RACGAP1: variants seen among roughly 807,000 people sequenced by gnomAD.
The protein encoded by RACGAP1 is Rac GTPase activating protein 1, also known as rac GTPase-activating protein 1.
RACGAP1 carries 30 observed loss-of-function variants against 78.1 expected under a neutral mutation model. The ratio of observed to expected loss-of-function variants is 0.38; its 90% confidence interval spans 0.29 to 0.52. The LOEUF is 0.52. RACGAP1 is among the 20% of genes least tolerant of loss of function. RACGAP1 has a pLI of 0.82. For missense variants in RACGAP1, 587 were observed against 777.1 expected, an observed-to-expected ratio of 0.76 and a Z score of 2.91; for synonymous variants, 231 against 264.8, an observed-to-expected ratio of 0.87 and a Z score of 1.24.
upstream of RACGAP1, among the ~76,000 whole-genome samples, chr12:50,028,633 G>T (rs1328994337): frequency 6.6e-6 from 1 of 151,102 alleles, no homozygotes; most frequent in South Asian, 2.1e-4. Context: ...TTAGCCAAGT[G>T]TGCTGGTGGA....
chr12:50,016,244 G>A (rs113422032), intron 2 of RACGAP1, among the ~76,000 whole-genome samples: 6,386 of 152,122 alleles, frequency 0.042, 419 homozygotes, highest in African/African-American at 0.14. Context: ...TTAGCCGGGC[G>A]TGGTGGCGTG....
rs1363129832 is a variant in RACGAP1, at chr12:50,025,462, G to T, written c.-69C>A. On this transcript the variant is annotated 5_prime_UTR_variant, in exon 1 of 17. Transcript: ENST00000312377. ...GCTCCGCGCCTCACCCAACGGCAGA[G>T]CAGCGCCGCGCCCACAGCTCCGGTT... is the stretch of plus-strand genomic sequence containing the variant. 1 of 985,670 alleles carries T rather than the reference G, an allele frequency of 1.0e-6. No homozygotes were observed. Among genetic ancestry groups the T allele is most frequent in the East Asian group, 1.1e-4 (1 of 8,826 alleles). The allele number at this position is 985,670 out of a possible 1,614,324, so 61.1% of individuals were successfully genotyped here.
intron 1 of RACGAP1, chr12:50,031,977 T>C (rs1950340063): frequency 6.5e-6 from 1 of 153,758 alleles, no homozygotes; most frequent in Non-Finnish European, 1.4e-5. Flanking sequence ...TGAAACCCCA[T>C]CGCTACTAAA....
chr12:49,991,473 ATATATATTTT>A (rs1290186713), intron 15 of RACGAP1, among the ~76,000 whole-genome samples: 4 of 30,386 alleles, frequency 1.3e-4, no homozygotes, highest in South Asian at 1.2e-3. Context: ...ATATATATAT[ATATATATTTT>A]TTTTTTTTTT....
chr12:50,003,965 C>A (rs1339983346), intron 5 of RACGAP1, among the ~76,000 whole-genome samples: 1 of 152,146 alleles, frequency 6.6e-6, no homozygotes, highest in Non-Finnish European at 1.5e-5. Flanking sequence ...AAAATATAAT[C>A]AGTTAGTACA....
At position 50,002,261 on chromosome 12, in the gene RACGAP1, T is replaced by C; in HGVS notation, c.535A>G (p.Lys179Glu). The C allele has an allele frequency of 6.2e-7, 1 of 1,613,468 alleles. No homozygotes were observed. Among genetic ancestry groups the C allele is most frequent in the Non-Finnish European group, 8.5e-7 (1 of 1,179,580 alleles). The change falls in exon 6 of 17, where the codon AAG becomes GAG. Residue 179 changes from lysine to glutamate, a missense_variant. Physicochemically the swap from Lys to Glu is moderately conservative, Grantham distance 56. Transcript: ENST00000312377. Reference sequence around the variant, plus strand: ...ATCATACATACCCTCTTTTCTCTCTTCTTCAGTTTGAAAGTCTTCACCAAA... The same window carrying C: ...ATCATACATACCCTCTTTTCTCTCTCCTTCAGTTTGAAAGTCTTCACCAAA... Reference protein sequence around the residue: ...SSLVKTFKLKKREKRRSTSRQ... With the variant: ...SSLVKTFKLKEREKRRSTSRQ...
Position 49,992,240 on chromosome 12 carries a change from C to T in RACGAP1, c.1578+5G>A. 1 of 1,614,078 alleles carries T rather than the reference C, an allele frequency of 6.2e-7. No individual in the cohort carries two copies. Among genetic ancestry groups the T allele is most frequent in the South Asian group, 1.1e-5 (1 of 91,084 alleles). ...TCACATACACACACACACGCACCTG[C>T]CTACCTTGGGTTGACGCTTGATGTC... On this transcript the variant is annotated splice_donor_5th_base_variant and intron_variant, in intron 14 of 16. Coordinates refer to ENST00000312377, the MANE Select transcript of RACGAP1 (RefSeq NM_001319999.2).
intron 2 of RACGAP1, among the ~76,000 whole-genome samples, chr12:50,007,491 C>T (rs1313452594): frequency 6.6e-6 from 1 of 152,200 alleles, no homozygotes; most frequent in Admixed American, 6.5e-5. Flanking sequence ...GATCACTCTC[C>T]ACCAACATCA....
chr12:50,010,307 TCTTTTTTTAA>T (rs1949233880), intron 2 of RACGAP1, among the ~76,000 whole-genome samples: 1 of 150,560 alleles, frequency 6.6e-6, no homozygotes, highest in South Asian at 2.1e-4. Flanking sequence ...GACTTAGCTC[TCTTTTTTTAA>T]CTTTTTTTTT....
chr12:49,992,827 T>C (rs752380503), intron 12 of RACGAP1, among the ~76,000 whole-genome samples, 172 bp from the exon 13 acceptor site: 31 of 152,162 alleles, frequency 2.0e-4, no homozygotes, highest in Non-Finnish European at 4.1e-4. Context: ...GGCCAACAGC[T>C]CAATATTAGA....
rs1416281279 is a variant in RACGAP1, at chr12:49,999,690, T to C, written c.674A>G (p.Asn225Ser). 1.6e-5 allele frequency: 26 copies of C among 1,614,126 alleles called. No homozygotes were observed. Among genetic ancestry groups the C allele is most frequent in the African/African-American group, 2.7e-5 (2 of 74,952 alleles). Residue 225 changes from asparagine to serine, a missense_variant, in exon 8 of 17, where the codon AAT becomes AGT. Coordinates refer to ENST00000312377, the MANE Select transcript of RACGAP1 (RefSeq NM_001319999.2). ...IVAKTTVTVPNDGGPIEAVST... is the reference protein window; with the variant it reads ...IVAKTTVTVPSDGGPIEAVST... ...CACAGCTTCGATGGGCCCGCCATCA[T>C]TGGGAACAGTCACTGTAGTTTTTGC... is the stretch of plus-strand genomic sequence containing the variant.
At position 49,992,374 on chromosome 12, in the gene RACGAP1, C is replaced by T; in HGVS notation, c.1449G>A (p.Val483=). Reference sequence around the variant, plus strand: ...CCATTTTAGTATGTGGACTCTGAGCCACTCTAAGCAAAAGAATATTAAATT... The same window carrying T: ...CCATTTTAGTATGTGGACTCTGAGCTACTCTAAGCAAAAGAATATTAAATT... ...LAFLMIHLQR[V]AQSPHTKMDV... is the part of the protein sequence containing the mutation. The change falls in exon 14 of 17, where the codon GTG becomes GTA. Residue 483 remains valine (V), a synonymous_variant. Transcript: ENST00000312377. 1 of 1,613,554 alleles carries T rather than the reference C, an allele frequency of 6.2e-7. No individual in the cohort carries two copies. The highest frequency in any genetic ancestry group is 8.5e-7 in the Non-Finnish European group (1 of 1,179,528).
chr12:49,991,479 A>ATTTTTTTTTTT (rs1197357619), intron 15 of RACGAP1, among the ~76,000 whole-genome samples: 1 of 24,094 alleles, frequency 4.2e-5, no homozygotes, highest in African/African-American at 1.4e-4. Flanking sequence ...ATATATATAT[A>ATTTTTTTTTTT]TTTTTTTTTT....
chr12:50,001,775 A>G (rs1359300486), intron 6 of RACGAP1, among the ~76,000 whole-genome samples: 3 of 152,220 alleles, frequency 2.0e-5, no homozygotes, highest in African/African-American at 4.8e-5. Context: ...TTCAAAGAGT[A>G]CCAGTACTGG....
intron 1 of RACGAP1, among the ~76,000 whole-genome samples, chr12:50,023,312 G>T (rs1950104804): frequency 6.6e-6 from 1 of 152,198 alleles, no homozygotes; most frequent in African/African-American, 2.4e-5. Flanking sequence ...ACTTTCAACA[G>T]TGTATAGGCT....
chr12:50,011,784 T>C (rs2137534949), intron 2 of RACGAP1, among the ~76,000 whole-genome samples: 1 of 151,600 alleles, frequency 6.6e-6, no homozygotes. Context: ...TGAAACCCCG[T>C]CTCTACTAAA....
chr12:49,997,058 T>C lies in RACGAP1; in HGVS notation c.1026A>G (p.Thr342=). Residue 342 remains threonine (T), a synonymous_variant, in exon 10 of 17, where the codon ACA becomes ACG. Coordinates refer to ENST00000312377, the MANE Select transcript of RACGAP1 (RefSeq NM_001319999.2). The part of the protein sequence containing the change: ...PLPCIPTLIG[T]PVKIGEGMLA... ...GTCATACCTCTCCAATCTTGACAGG[T>C]GTTCCTATCAGGGTAGGAATGCAGG... The C allele has an allele frequency of 6.4e-7, 1 of 1,552,736 alleles. No homozygotes were observed. The highest frequency in any genetic ancestry group is 8.8e-7 in the Non-Finnish European group (1 of 1,140,188).
chr12:50,000,405 T>A (rs965391626), intron 7 of RACGAP1, among the ~76,000 whole-genome samples: 2 of 151,998 alleles, frequency 1.3e-5, no homozygotes, highest in African/African-American at 4.8e-5. Flanking sequence ...TCCACCTGCC[T>A]AGGCCTCCCA....
intron 2 of RACGAP1, among the ~76,000 whole-genome samples, chr12:50,008,259 C>T (rs143715903): frequency 1.4e-5 from 2 of 146,026 alleles, no homozygotes; most frequent in African/African-American, 5.2e-5. Context: ...AGTGCAATGG[C>T]GCAATCTTGG....
Sources: gnomAD v4.1 joint callset for allele counts (sites outside exome capture counted in the v4.1 genomes callset) on GRCh38, gnomAD v4.1.1 for gene constraint, MANE v1.5 for transcripts, NCBI Gene and HGNC (gene_info 2026-07-23, HGNC 2026-07-21) for gene names.